The following PELI1 variants were observed in gnomAD, a reference collection of about 807,000 sequenced individuals.
PELI1 encodes the protein pellino E3 ubiquitin protein ligase 1.
Under a neutral mutation model 41.3 loss-of-function variants are expected in PELI1, and 15 were observed. The ratio of observed to expected loss-of-function variants is 0.36; its 90% confidence interval spans 0.24 to 0.56. The LOEUF is 0.56. Ranked by LOEUF, PELI1 falls within the 20% of genes least tolerant of loss-of-function variation. The probability of loss-of-function intolerance (pLI) is 0.82; values close to 1 mark genes in which losing one functional copy is unlikely to be tolerated. For synonymous variants in PELI1, 178 were observed against 180.1 expected (o/e 0.99, Z 0.09); for missense variants, 403 against 525.5 (o/e 0.77, Z 2.28).
rs1680110601 is a variant in PELI1 at position 64,093,182 on chromosome 2, G to T, written c.*1520C>A. The stretch of plus-strand genomic sequence containing the variant: ...GTTGAAGTAAAATAAAATAATTCAT[G>T]GCTTCTAAGCAACAAGTTTTGTTTT... On this transcript the variant is annotated 3_prime_UTR_variant, in exon 7 of 7. Transcript: ENST00000358912. 1 of 152,522 alleles carries T rather than the reference G, an allele frequency of 6.6e-6. No homozygotes were observed. Among genetic ancestry groups the T allele is most frequent in the African/African-American group, 2.4e-5 (1 of 41,410 alleles). 9.4% of individuals were successfully genotyped at this position (152,522 alleles called of 1,614,324 possible).
At chr2:64,119,318 T>C (rs1681125981) in intron 1 of PELI1, among the ~76,000 whole-genome samples, 1 of 152,208 alleles carries the variant, frequency 6.6e-6, no homozygotes, top group Non-Finnish European at 1.5e-5. Context: ...CTTTGCAAGC[T>C]TACTTTAACC....
intron 4 of PELI1, among the ~76,000 whole-genome samples, chr2:64,100,184 T>C (rs10191854): frequency 0.076 from 11,598 of 152,200 alleles, 640 homozygotes; most frequent in African/African-American, 0.16. Flanking sequence ...CTGAGGCATA[T>C]AATGGTTATG....
chr2:64,095,329 G>A, intron 6 of PELI1, 61 bp from the exon 7 acceptor site: 3 of 1,217,594 alleles, frequency 2.5e-6, no homozygotes, highest in Non-Finnish European at 3.5e-6. Flanking sequence ...TTACATAAGT[G>A]TTTTGGTTTT....
chr2:64,113,107 C>T (rs777267967), intron 1 of PELI1, among the ~76,000 whole-genome samples: 2 of 151,298 alleles, frequency 1.3e-5, no homozygotes, highest in Non-Finnish European at 2.9e-5. Flanking sequence ...GTAAGACTCC[C>T]GTCTCTACAA....
At chr2:64,097,147 T>A (rs1680265886) in intron 4 of PELI1, among the ~76,000 whole-genome samples, 1 of 152,204 alleles carries the variant, frequency 6.6e-6, no homozygotes, top group African/African-American at 2.4e-5. Context: ...TACACAGCCT[T>A]GCTTTGAGGT....
In PELI1 at chr2:64,094,066, T is replaced by TA. The variant is rs1374366553; in HGVS notation, c.*635dup. The TA allele has an allele frequency of 7.2e-5, 11 of 152,660 alleles. No homozygotes were observed. Among genetic ancestry groups the TA allele is most frequent in the African/African-American group, 2.7e-4 (11 of 41,460 alleles). The allele number at this position is 152,660 out of a possible 1,614,324, so 9.5% of individuals were successfully genotyped here. A position where few individuals can be genotyped will look rare whatever the true frequency, so the allele number is the denominator to read the frequency against. ...TAAAAACAAACACCTTTCACGCGGGTAATTAGTATGAATTTGGTCTTACAA... is the reference window on the plus strand; with the variant it reads ...TAAAAACAAACACCTTTCACGCGGGTAAATTAGTATGAATTTGGTCTTACAA... On this transcript the variant is annotated 3_prime_UTR_variant, in exon 7 of 7. Coordinates refer to ENST00000358912, the MANE Select transcript of PELI1 (RefSeq NM_020651.4).
At chr2:64,116,031 C>G (rs1680978933) in intron 1 of PELI1, among the ~76,000 whole-genome samples, 1 of 151,836 alleles carries the variant, frequency 6.6e-6, no homozygotes, top group Non-Finnish European at 1.5e-5. Context: ...CAGAAAGGAA[C>G]CTAAGGGTGG....
intron 1 of PELI1, chr2:64,143,288 G>A (rs1159139978): frequency 6.6e-6 from 1 of 152,190 alleles, no homozygotes; most frequent in Non-Finnish European, 1.5e-5. Flanking sequence ...TATGTAAGAA[G>A]AATTATGGTT....
chr2:64,128,266 C>A (rs1681452625), intron 1 of PELI1, among the ~76,000 whole-genome samples: 1 of 151,946 alleles, frequency 6.6e-6, no homozygotes, highest in Admixed American at 6.5e-5. Context: ...TGCTAGGAGA[C>A]TAATATGAAA....
At chr2:64,098,309 T>C (rs2103665851) in intron 4 of PELI1, among the ~76,000 whole-genome samples, 1 of 152,300 alleles carries the variant, frequency 6.6e-6, no homozygotes. Flanking sequence ...TTATAGCTTA[T>C]CCAAAATTTG....
intron 1 of PELI1, among the ~76,000 whole-genome samples, chr2:64,118,087 G>T (rs147773207): frequency 2.1e-3 from 320 of 152,254 alleles, no homozygotes; most frequent in African/African-American, 7.3e-3. Flanking sequence ...GAGATTACAG[G>T]TGTGAGCCAC....
chr2:64,132,296 C>G (rs1681582780), intron 1 of PELI1, among the ~76,000 whole-genome samples: 1 of 152,154 alleles, frequency 6.6e-6, no homozygotes, highest in African/African-American at 2.4e-5. Flanking sequence ...TGCTACAACA[C>G]CTGAAACTTT....
chr2:64,128,594 G>A (rs1302712839), intron 1 of PELI1, among the ~76,000 whole-genome samples: 1 of 152,114 alleles, frequency 6.6e-6, no homozygotes, highest in Non-Finnish European at 1.5e-5. Context: ...GACTGAGTCA[G>A]ACTAATGTGA....
At chr2:64,103,181 TAAAGATG>T (rs1296425821) in intron 3 of PELI1, among the ~76,000 whole-genome samples, 1 of 152,012 alleles carries the variant, frequency 6.6e-6, no homozygotes, top group East Asian at 1.9e-4. Context: ...TATTGCCTAG[TAAAGATG>T]AAAGATGAAA....
intron 1 of PELI1, among the ~76,000 whole-genome samples, chr2:64,131,074 C>A (rs73935060): frequency 3.9e-5 from 6 of 152,114 alleles, no homozygotes; most frequent in Non-Finnish European, 7.4e-5. Context: ...CTCCCTGAGG[C>A]CCTGAGTACC....
intron 1 of PELI1, among the ~76,000 whole-genome samples, chr2:64,123,499 A>G (rs1012683550): frequency 3.3e-5 from 5 of 152,264 alleles, no homozygotes; most frequent in Non-Finnish European, 5.9e-5. Flanking sequence ...AAAATTTGGT[A>G]AAAGATCCAT....
At chr2:64,100,620 CT>C in intron 3 of PELI1, 121 bp from the exon 4 acceptor site, 2 of 683,168 alleles carry the variant, frequency 2.9e-6, no homozygotes, top group East Asian at 2.7e-5. Flanking sequence ...CATTTTCCCC[CT>C]GAAATTTAGA....
chr2:64,141,377 TAC>T (rs1681910154), intron 1 of PELI1, among the ~76,000 whole-genome samples: 1 of 150,480 alleles, frequency 6.6e-6, no homozygotes, highest in African/African-American at 2.5e-5. Context: ...TTTTAATATT[TAC>T]AGTTAAATAT....
Position 64,124,321 on chromosome 2 carries a change from C to A in PELI1, c.-69-15942G>T, listed in dbSNP as rs7559410. On this transcript the variant is annotated intron_variant, in intron 1 of 6. Transcript: ENST00000358912. ...GTATAAAAATTATACCTCAATAAAG[C>A]GAAGCAAGCAAGCAAGCAAATAAAG... Among the ~76,000 whole-genome samples, 1,302 of 151,952 alleles carry A rather than the reference C, an allele frequency of 8.6e-3. 8 individuals are homozygous for A. Among genetic ancestry groups the A allele is most frequent in the Non-Finnish European group, 0.013 (865 of 67,940 alleles).
Sources: gnomAD v4.1 joint callset for allele counts (sites outside exome capture counted in the v4.1 genomes callset) on GRCh38, gnomAD v4.1.1 for gene constraint, MANE v1.5 for transcripts, NCBI Gene and HGNC (gene_info 2026-07-23, HGNC 2026-07-21) for gene names.